The following CDH4 variants were observed in gnomAD, a reference collection of about 807,000 sequenced individuals.
CDH4 encodes the protein cadherin 4.
Under a neutral mutation model 86.0 loss-of-function variants are expected in CDH4, and 33 were observed. The ratio of observed to expected loss-of-function variants is 0.38; its 90% CI spans 0.29 to 0.51. The LOEUF (loss-of-function observed/expected upper bound fraction) is 0.51. Among genes scored for constraint, CDH4 ranks in the 20% least tolerant of loss-of-function variants. The pLI, the probability that CDH4 is intolerant of heterozygous loss-of-function variation, is 0.86. For synonymous variants in CDH4, 555 were observed against 549.4 expected (o/e 1.01, Z -0.14); for missense variants, 1,114 against 1,307.4 (o/e 0.85, Z 2.28).
rs369546040 is a variant in CDH4, at chr20:61,697,780, AG to A, written c.170-45780del. ...AGGGGTGTCCATCTCCGGATCCCCC[AG>A]GGCTGTCTCCTCTGTCCGAGAAGTG... is the stretch of plus-strand genomic sequence containing the variant. On this transcript the variant is annotated intron_variant, in intron 2 of 15. Coordinates refer to ENST00000614565, the MANE Select transcript of CDH4 (RefSeq NM_001794.5). Among the ~76,000 whole-genome samples, 546 of 152,240 alleles carry A rather than the reference AG, an allele frequency of 3.6e-3. 1 individual carries two copies. Among genetic ancestry groups the A allele is most frequent in the Middle Eastern group, 0.014 (4 of 294 alleles).
intron 2 of CDH4, among the ~76,000 whole-genome samples, chr20:61,372,112 G>A (rs2084844152): frequency 6.6e-6 from 1 of 152,238 alleles, no homozygotes; most frequent in Non-Finnish European, 1.5e-5. Context: ...ATAGAGAGAA[G>A]CCGTTCTCTG....
intron 2 of CDH4, among the ~76,000 whole-genome samples, chr20:61,277,836 G>A (rs1398913116): frequency 6.6e-6 from 1 of 152,194 alleles, no homozygotes; most frequent in African/African-American, 2.4e-5. Flanking sequence ...CCGCTTTCCT[G>A]TGCTTTCTGT....
At chr20:61,777,361 C>G (rs573489776) in intron 4 of CDH4, among the ~76,000 whole-genome samples, 1 of 152,230 alleles carries the variant, frequency 6.6e-6, no homozygotes, top group South Asian at 2.1e-4. Context: ...TTGGCAGAAA[C>G]GTTAGCACTG....
At chr20:61,820,721 C>T (rs146768644) in intron 4 of CDH4, among the ~76,000 whole-genome samples, 5 of 152,290 alleles carry the variant, frequency 3.3e-5, no homozygotes, top group South Asian at 2.1e-4. Flanking sequence ...CTTTGAAACC[C>T]CTGGGTTACT....
intron 9 of CDH4, among the ~76,000 whole-genome samples, chr20:61,921,834 A>T (rs1405082587): frequency 6.6e-6 from 1 of 151,478 alleles, no homozygotes; most frequent in Non-Finnish European, 1.5e-5. Flanking sequence ...TGTGACCCTG[A>T]CCCCATTCCT....
chr20:61,639,330 G>A (rs1600830119), intron 2 of CDH4, among the ~76,000 whole-genome samples: 1 of 152,156 alleles, frequency 6.6e-6, no homozygotes, highest in South Asian at 2.1e-4. Flanking sequence ...GAGGCGGGGG[G>A]CAAGCATCAG....
chr20:61,706,644 C>T (rs1222063392), intron 2 of CDH4, among the ~76,000 whole-genome samples: 5 of 152,210 alleles, frequency 3.3e-5, no homozygotes, highest in Admixed American at 2.6e-4. Flanking sequence ...CCAAAGGGAT[C>T]GGTTTCTCCC....
intron 2 of CDH4, among the ~76,000 whole-genome samples, chr20:61,476,388 C>CGT: frequency 6.6e-6 from 1 of 152,256 alleles, no homozygotes; most frequent in Admixed American, 6.5e-5. Flanking sequence ...TGTGTGTGCA[C>CGT]GTGTGTGTGT....
intron 2 of CDH4, among the ~76,000 whole-genome samples, chr20:61,355,263 C>T (rs1240322089): frequency 2.0e-5 from 3 of 152,172 alleles, no homozygotes; most frequent in Non-Finnish European, 2.9e-5. Context: ...GCAAAACATT[C>T]AGAAAGGCTG....
intron 4 of CDH4, among the ~76,000 whole-genome samples, chr20:61,843,369 G>T (rs1011578227): frequency 6.9e-6 from 1 of 145,240 alleles, no homozygotes; most frequent in Non-Finnish European, 1.5e-5. Context: ...AGAATGGCGT[G>T]AACCCAGGAA....
chr20:61,794,403 G>A lies in CDH4; in HGVS notation c.576+21221G>A, dbSNP rs895853179. ...GGGAACCCGTCGTTCCCCCACTTCC[G>A]CCACTGTGTTGAGGTCCTGGGGTGC... On this transcript the variant is annotated intron_variant, in intron 4 of 15. Transcript: ENST00000614565. Among the ~76,000 whole-genome samples, 34 of 152,134 alleles carry A rather than the reference G, an allele frequency of 2.2e-4. 1 individual carries two copies. Among genetic ancestry groups the A allele is most frequent in the South Asian group, 2.1e-4 (1 of 4,826 alleles).
chr20:61,883,995 G>A (rs571257870), intron 7 of CDH4, among the ~76,000 whole-genome samples: 48 of 152,216 alleles, frequency 3.2e-4, no homozygotes, highest in African/African-American at 2.9e-4. Context: ...TTTCTTTGTG[G>A]CCTCCCCTGC....
At chr20:61,619,906 G>A (rs1219763949) in intron 2 of CDH4, among the ~76,000 whole-genome samples, 3 of 152,220 alleles carry the variant, frequency 2.0e-5, no homozygotes, top group East Asian at 3.9e-4. Context: ...CCGAGCATCA[G>A]CGCCAGGCAC....
chr20:61,721,292 G>A (rs1012975831), intron 2 of CDH4, among the ~76,000 whole-genome samples: 7 of 152,194 alleles, frequency 4.6e-5, no homozygotes, highest in African/African-American at 1.7e-4. Flanking sequence ...TTCAGCAGAA[G>A]CTGTAACTCA....
Position 61,619,275 on chromosome 20 carries a change from C to T in CDH4, c.170-124288C>T, listed in dbSNP as rs947388873. ...CCCAGCCCCAGCTGCCATTCCCTCC[C>T]GCCTCTCTTCCACCTCCGCGTGCCC... On this transcript the variant is annotated intron_variant, in intron 2 of 15. Transcript: ENST00000614565. Among the ~76,000 whole-genome samples, 59 of 152,304 alleles carry T rather than the reference C, an allele frequency of 3.9e-4. 1 individual carries two copies. The highest frequency in any genetic ancestry group is 1.3e-3 in the African/African-American group (56 of 41,570).
chr20:61,732,739 C>T lies in CDH4; in HGVS notation c.170-10824C>T, dbSNP rs993319974. Among the ~76,000 whole-genome samples, 5 of 152,232 alleles carry T rather than the reference C, an allele frequency of 3.3e-5. No individual in the cohort carries two copies. In the East Asian group the frequency reaches 7.7e-4, roughly 23 times the overall value. ...GGGGAGGACCTCGGTGTGCACCGCT[C>T]GTCCCCCACGCCTGTGAGAGTGCTC... On this transcript the variant is annotated intron_variant, in intron 2 of 15. Transcript: ENST00000614565.
At chr20:61,627,227 G>A (rs2086837696) in intron 2 of CDH4, among the ~76,000 whole-genome samples, 1 of 152,170 alleles carries the variant, frequency 6.6e-6, no homozygotes, top group African/African-American at 2.4e-5. Flanking sequence ...TTCAAGGTGA[G>A]CAAACCAGGG....
rs112840903 is a variant in CDH4, at chr20:61,567,779, C to T, written c.170-175784C>T. Among the ~76,000 whole-genome samples the T allele has an allele frequency of 1.9e-4, 29 of 152,168 alleles. 2 individuals carry two copies. The highest frequency in any genetic ancestry group is 5.3e-4 in the African/African-American group (22 of 41,496). On this transcript the variant is annotated intron_variant, in intron 2 of 15. Coordinates refer to ENST00000614565, the MANE Select transcript of CDH4 (RefSeq NM_001794.5). ...GGAGGATTGTTCGAGGCTAGAAGTTCGAGACCAGCCTGGGCAACACGGCAA... is the reference window on the plus strand; with the variant it reads ...GGAGGATTGTTCGAGGCTAGAAGTTTGAGACCAGCCTGGGCAACACGGCAA...
At chr20:61,890,706 A>G (rs1196738312) in intron 7 of CDH4, among the ~76,000 whole-genome samples, 1 of 152,192 alleles carries the variant, frequency 6.6e-6, no homozygotes, top group African/African-American at 2.4e-5. Flanking sequence ...AGTAGGATAT[A>G]GCACCCAAGT....
Sources: gnomAD v4.1 joint callset for allele counts (sites outside exome capture counted in the v4.1 genomes callset) on GRCh38, gnomAD v4.1.1 for gene constraint, MANE v1.5 for transcripts, NCBI Gene and HGNC (gene_info 2026-07-23, HGNC 2026-07-21) for gene names.